BLTP1: variants seen among roughly 807,000 people sequenced by gnomAD.
BLTP1 encodes the protein bridge-like lipid transfer protein family member 1, also known as fragile site-associated protein.
At chr4:122,273,243 T>G in the BLTP1 span, 1 of 971,164 alleles carries the variant, frequency 1.0e-6, no homozygotes, top group South Asian at 4.8e-5. Flanking sequence ...GAACCTACTT[T>G]TTGTTATATA....
the BLTP1 span, chr4:122,328,631 GT>G: frequency 1.0e-6 from 1 of 981,512 alleles, no homozygotes; most frequent in Non-Finnish European, 1.2e-6. Context: ...TAAAGATGTG[GT>G]TACGAGTAAA....
the BLTP1 span, among the ~76,000 whole-genome samples, chr4:122,268,578 A>G: frequency 3.8e-3 from 585 of 152,262 alleles, 6 homozygotes; most frequent in African/African-American, 0.013. Flanking sequence ...GAGTGTCTCA[A>G]ACAGTGGAAG....
the BLTP1 span, chr4:122,336,297 TTCTGGAAAAAGC>T: frequency 6.2e-7 from 1 of 1,612,512 alleles, no homozygotes; most frequent in Non-Finnish European, 8.5e-7. Context: ...CTATTAGACT[TTCTGGAAAAAGC>T]TCTGGAAACT....
chr4:122,198,605 T>C, the BLTP1 span, among the ~76,000 whole-genome samples: 1 of 152,090 alleles, frequency 6.6e-6, no homozygotes, highest in Non-Finnish European at 1.5e-5. Flanking sequence ...ATATCTATTA[T>C]AAATGTGTGG....
the BLTP1 span, among the ~76,000 whole-genome samples, chr4:122,203,093 T>C: frequency 2.6e-5 from 4 of 151,992 alleles, no homozygotes; most frequent in South Asian, 2.1e-4. Context: ...AATATTAGTT[T>C]AGTATTGGAG....
the BLTP1 span, chr4:122,325,511 A>T: frequency 1.0e-6 from 1 of 985,004 alleles, no homozygotes; most frequent in Non-Finnish European, 1.2e-6. Flanking sequence ...GCCATGAAGC[A>T]GGTGTTAGTA....
chr4:122,172,336 A>G, the BLTP1 span: 3 of 722,572 alleles, frequency 4.2e-6, no homozygotes, highest in African/African-American at 1.9e-5. Flanking sequence ...GAGCAAATTG[A>G]TTATCAAAAC....
At chr4:122,305,618 C>T in the BLTP1 span, 1 of 968,590 alleles carries the variant, frequency 1.0e-6, no homozygotes. Context: ...ATATTTAATA[C>T]ATTGCCATTT....
At chr4:122,307,882 T>G in the BLTP1 span, 9 of 1,548,220 alleles carry the variant, frequency 5.8e-6, no homozygotes, top group Non-Finnish European at 7.8e-6. Flanking sequence ...CTTTTGAGTT[T>G]TACTTAACAT....
chr4:122,254,252 C>G, the BLTP1 span: 5 of 1,612,336 alleles, frequency 3.1e-6, no homozygotes, highest in East Asian at 2.2e-5. Context: ...GCCTCCTCCT[C>G]CAGATTCATG....
chr4:122,263,641 G>A, the BLTP1 span: 3 of 1,264,314 alleles, frequency 2.4e-6, no homozygotes, highest in Non-Finnish European at 2.2e-6. Context: ...TGTCTTAAGG[G>A]GAACATATAC....
At chr4:122,160,854 CT>C in the BLTP1 span, among the ~76,000 whole-genome samples, 1 of 151,974 alleles carries the variant, frequency 6.6e-6, no homozygotes, top group Non-Finnish European at 1.5e-5. Flanking sequence ...AGATAAATGT[CT>C]TTAGAATTGG....
chr4:122,180,587 A>G, the BLTP1 span, among the ~76,000 whole-genome samples: 1 of 152,214 alleles, frequency 6.6e-6, no homozygotes, highest in African/African-American at 2.4e-5. Context: ...CTCTTCACAA[A>G]ACAAAAGTAA....
At chr4:122,277,742 T>A in the BLTP1 span, 1 of 982,084 alleles carries the variant, frequency 1.0e-6, no homozygotes, top group South Asian at 4.7e-5. Flanking sequence ...CAATTTCTTG[T>A]AACATAGTGG....
the BLTP1 span, among the ~76,000 whole-genome samples, chr4:122,244,259 G>A: frequency 1.4e-4 from 21 of 152,138 alleles, no homozygotes; most frequent in East Asian, 4.1e-3. Context: ...TAAATAATTG[G>A]AGTTGTCCCT....
the BLTP1 span, chr4:122,153,975 C>T: frequency 1.0e-6 from 1 of 983,292 alleles, no homozygotes. Flanking sequence ...TTATGCTGCT[C>T]GTAAAGCCAG....
At chr4:122,240,277 G>C in the BLTP1 span, 1 of 1,613,960 alleles carries the variant, frequency 6.2e-7, no homozygotes, top group Non-Finnish European at 8.5e-7. Flanking sequence ...TCATTGCATC[G>C]TCCCCTTGAT....
At chr4:122,266,015 T>G in the BLTP1 span, among the ~76,000 whole-genome samples, 7 of 152,076 alleles carry the variant, frequency 4.6e-5, no homozygotes, top group African/African-American at 1.7e-4. Context: ...TTTTTAAGCT[T>G]CAGGAAAAGA....
chr4:122,176,131 G>A, the BLTP1 span, among the ~76,000 whole-genome samples: 1 of 151,898 alleles, frequency 6.6e-6, no homozygotes, highest in African/African-American at 2.4e-5. Context: ...ATGAAACCCT[G>A]TCTCTACTAA....
Sources: allele counts gnomAD v4.1 joint callset (sites outside exome capture counted in the v4.1 genomes callset), GRCh38; gene constraint gnomAD v4.1.1; transcripts MANE v1.5; gene names NCBI Gene and HGNC (gene_info 2026-07-23, HGNC 2026-07-21).